Variants in PLCE1 observed in about 807,000 individuals in gnomAD.
PLCE1 encodes phospholipase C epsilon 1.
In PLCE1, 119 loss-of-function variants were observed where a neutral mutation model predicts 242.8. The ratio of observed to expected loss-of-function variants is 0.49; its 90% CI spans 0.42 to 0.57. The LOEUF (loss-of-function observed/expected upper bound fraction) is 0.57. PLCE1 is among the 20% of genes least tolerant of loss of function. The pLI is 0.00. For missense variants in PLCE1, 2,441 were observed against 2,788.8 expected, an observed-to-expected ratio of 0.88 and a Z score of 2.81; for synonymous variants, 945 against 1,017.4, an observed-to-expected ratio of 0.93 and a Z score of 1.35.
chr10:94,270,606 A>G lies in PLCE1; in HGVS notation c.4506+4A>G, dbSNP rs1261110260. ...AAAAATGGCAGAAATTTTCAAGGTG[A>G]GCTCTCAACAAAAAGGCAGGATGGT... On this transcript the variant is annotated splice_donor_region_variant and intron_variant, in intron 18 of 32. Transcript: ENST00000371380. The G allele has an allele frequency of 6.5e-7, 1 of 1,537,242 alleles. No individual in the cohort carries two copies. The highest frequency in any genetic ancestry group is 1.7e-5 in the Admixed American group (1 of 59,936).
At chr10:94,001,950 A>G (rs1564617057) in intron 1 of PLCE1, among the ~76,000 whole-genome samples, 2 of 152,212 alleles carry the variant, frequency 1.3e-5, no homozygotes, top group African/African-American at 4.8e-5. Context: ...GCAGAGCTTG[A>G]GCAGTTTGGT....
intron 6 of PLCE1, among the ~76,000 whole-genome samples, chr10:94,234,649 A>G (rs1294148672): frequency 6.6e-6 from 1 of 152,202 alleles, no homozygotes; most frequent in Non-Finnish European, 1.5e-5. Flanking sequence ...AAGACAGTCA[A>G]TTGAGAGTAT....
At chr10:94,194,181 C>T (rs1257824967) in intron 4 of PLCE1, among the ~76,000 whole-genome samples, 1 of 152,124 alleles carries the variant, frequency 6.6e-6, no homozygotes, top group African/African-American at 2.4e-5. Flanking sequence ...ATGAGAGAAC[C>T]AGATATCCTG....
At chr10:94,302,523 C>CA (rs368823170) in intron 24 of PLCE1, among the ~76,000 whole-genome samples, 5,191 of 148,464 alleles carry the variant, frequency 0.035, 281 homozygotes, top group African/African-American at 0.11. Flanking sequence ...GTCATGATCA[C>CA]AAAAAAAAAA....
intron 3 of PLCE1, among the ~76,000 whole-genome samples, chr10:94,166,579 G>GGTGTGTATGTGTGT: frequency 6.9e-6 from 1 of 145,968 alleles, no homozygotes; most frequent in Middle Eastern, 3.4e-3. Flanking sequence ...AGAGAAAAAA[G>GGTGTGTATGTGTGT]GTGTGTGTGT....
chr10:94,281,080 CAA>C (rs1341102220), intron 20 of PLCE1, among the ~76,000 whole-genome samples: 1 of 152,152 alleles, frequency 6.6e-6, no homozygotes, highest in African/African-American at 2.4e-5. Context: ...TAAAAGGAGT[CAA>C]GACAATTTCT....
intron 4 of PLCE1, among the ~76,000 whole-genome samples, chr10:94,182,471 T>C (rs2136464956): frequency 6.6e-6 from 1 of 151,658 alleles, no homozygotes; most frequent in South Asian, 2.1e-4. Flanking sequence ...GGTTTCACCA[T>C]GTTGGCCAGG....
intron 4 of PLCE1, among the ~76,000 whole-genome samples, chr10:94,181,294 C>G (rs1006756680): frequency 6.6e-6 from 1 of 152,090 alleles, no homozygotes; most frequent in Non-Finnish European, 1.5e-5. Flanking sequence ...CTCCATGGGC[C>G]GGGTGCGGTG....
At chr10:94,119,945 C>T (rs112167011) in intron 2 of PLCE1, among the ~76,000 whole-genome samples, 15 of 152,262 alleles carry the variant, frequency 9.9e-5, no homozygotes, top group African/African-American at 2.4e-4. Context: ...AATTAAAGTG[C>T]GGCTACTTTG....
rs1165287995 is a variant in PLCE1 at position 94,316,554 on chromosome 10, C to T, written c.6140C>T (p.Thr2047Ile). 13 of 1,604,212 alleles carry T rather than the reference C, an allele frequency of 8.1e-6. No homozygotes were observed. Among genetic ancestry groups the T allele is most frequent in the Non-Finnish European group, 1.1e-5 (13 of 1,173,038 alleles). ...CCTTCACTTTTTCTTTAGATTCTGA[C>T]AAATGAACAAGACATCAAACCTGTT... ...KAKQLLQQIL[T>I]NEQDIKPVTT... The change falls in exon 29 of 33, where the codon ACA (threonine) becomes ATA (isoleucine). Residue 2047 changes from threonine (T) to isoleucine (I), a missense_variant. Around this residue, in one of 5 missense-constraint regions of PLCE1, gnomAD observed 310 missense variants for 317.2 expected, o/e 0.98. Coordinates refer to ENST00000371380, the MANE Select transcript of PLCE1 (RefSeq NM_016341.4).
chr10:94,258,861 T>G lies in PLCE1; in HGVS notation c.3616T>G (p.Phe1206Val). The G allele has an allele frequency of 6.2e-7, 1 of 1,614,120 alleles. No individual in the cohort carries two copies. The highest frequency in any genetic ancestry group is 2.2e-5 in the East Asian group (1 of 44,878). Residue 1206 changes from phenylalanine (F) to valine (V), a missense_variant, in exon 12 of 33, where the codon TTC becomes GTC. By Grantham distance (50) the Phe-to-Val change is conservative. Coordinates refer to ENST00000371380, the MANE Select transcript of PLCE1 (RefSeq NM_016341.4). ...IKGGMKGFQS[F>V]MVSDSNMSFV... The stretch of plus-strand genomic sequence containing the variant: ...AGGCGGCATGAAGGGATTTCAGAGC[T>G]TCATGGTTTCAGATAGCAACATGAG...
intron 1 of PLCE1, among the ~76,000 whole-genome samples, chr10:94,003,670 C>T (rs1278371518): frequency 6.6e-6 from 1 of 152,126 alleles, no homozygotes; most frequent in African/African-American, 2.4e-5. Context: ...CTAAGAGTGA[C>T]AGGTGCAGCT....
chr10:94,017,577 A>G (rs1408638991), intron 1 of PLCE1, among the ~76,000 whole-genome samples: 1 of 152,188 alleles, frequency 6.6e-6, no homozygotes, highest in African/African-American at 2.4e-5. Flanking sequence ...TAGTTTTTAA[A>G]CTTGTTAACT....
At chr10:94,098,053 A>AG (rs1351676271) in intron 2 of PLCE1, among the ~76,000 whole-genome samples, 1 of 152,238 alleles carries the variant, frequency 6.6e-6, no homozygotes, top group Non-Finnish European at 1.5e-5. Flanking sequence ...AGAATGGTCC[A>AG]GGTGAGCTGT....
intron 1 of PLCE1, among the ~76,000 whole-genome samples, chr10:94,003,682 C>G (rs968732421): frequency 6.6e-6 from 1 of 152,098 alleles, no homozygotes; most frequent in Non-Finnish European, 1.5e-5. Context: ...GGTGCAGCTT[C>G]AGATGTGGTA....
At position 94,136,715 on chromosome 10, in the gene PLCE1, C is replaced by T. The variant is rs114321464; in HGVS notation, c.1492+4256C>T. On this transcript the variant is annotated intron_variant, in intron 3 of 32. Coordinates refer to ENST00000371380, the MANE Select transcript of PLCE1 (RefSeq NM_016341.4). ...GAACACAAACATGCCTGCTTTTCTG[C>T]CTTCAGTGCCACCAAAGGTCATCTG... Among the ~76,000 whole-genome samples the T allele has an allele frequency of 4.0e-3, 602 of 152,292 alleles. 8 individuals carry two copies. Among genetic ancestry groups the T allele is most frequent in the African/African-American group, 0.014 (572 of 41,544 alleles).
intron 2 of PLCE1, among the ~76,000 whole-genome samples, chr10:94,112,910 T>C (rs2045999492): frequency 6.6e-6 from 1 of 152,220 alleles, no homozygotes; most frequent in African/African-American, 2.4e-5. Flanking sequence ...TGCTTTGGTT[T>C]TCATTCAACA....
In PLCE1 at chr10:94,031,920, G is replaced by A. The variant is rs370227059; in HGVS notation, c.874G>A (p.Ala292Thr). 1 of 1,613,888 alleles carries A rather than the reference G, an allele frequency of 6.2e-7. No homozygotes were observed. Among genetic ancestry groups the A allele is most frequent in the South Asian group, 1.1e-5 (1 of 91,074 alleles). The change falls in exon 2 of 33, where the codon GCT (alanine) becomes ACT (threonine). Residue 292 changes from alanine to threonine, a missense_variant. By Grantham distance (58) the Ala-to-Thr change is moderately conservative (BLOSUM62 0). Around this residue, in one of 5 missense-constraint regions of PLCE1, gnomAD observed 393 missense variants for 378.5 expected, o/e 1.04. Transcript: ENST00000371380. ...FCRKDFTDSQ[A>T]AKTFLSHFED... ...TAGGAAAGACTTTACTGACAGTCAA[G>A]CTGCCAAGACCTTTTTGAGCCATTT...
At position 94,258,687 on chromosome 10, in the gene PLCE1, A is replaced by T. The variant is rs796746917; in HGVS notation, c.3555-113A>T. ...AGTACTGGAAAATAGCTTCAATCTT[A>T]AATAACTTGCACTCATCCTTTTGCT... On this transcript the variant is annotated intron_variant, in intron 11 of 32. Coordinates refer to ENST00000371380, the MANE Select transcript of PLCE1 (RefSeq NM_016341.4). 1.7e-5 allele frequency: 21 copies of T among 1,234,504 alleles called. No individual in the cohort carries two copies. The African/African-American group carries it at 2.9e-4, about 17-fold the overall frequency. The allele number at this position is 1,234,504 out of a possible 1,614,324, so 76.5% of individuals were successfully genotyped here.
Sources: gnomAD v4.1 joint callset for allele counts (sites outside exome capture counted in the v4.1 genomes callset) on GRCh38, gnomAD v4.1.1 for gene constraint, gnomAD v4.1.1 regional missense constraint, MANE v1.5 for transcripts, NCBI Gene and HGNC (gene_info 2026-07-23, HGNC 2026-07-21) for gene names.